B3GALNT2: variants seen among roughly 807,000 people sequenced by gnomAD.
The protein encoded by B3GALNT2 is UDP-GalNAc:beta-1,3-N-acetylgalactosaminyltransferase 2.
In B3GALNT2, 53 loss-of-function variants were observed where a neutral mutation model predicts 61.1. That is an observed-to-expected ratio of 0.87 (90% CI 0.70 to 1.09). B3GALNT2 has a LOEUF of 1.09. Among genes scored for constraint, B3GALNT2 ranks in the 50% least tolerant of loss-of-function variants. The pLI is 0.00. For synonymous variants in B3GALNT2, 223 were observed against 237.4 expected (o/e 0.94, Z 0.56); for missense variants, 544 against 623.0 (o/e 0.87, Z 1.35).
intron 8 of B3GALNT2, among the ~76,000 whole-genome samples, chr1:235,457,734 A>C (rs555995663): frequency 4.0e-4 from 61 of 152,208 alleles, no homozygotes; most frequent in African/African-American, 1.3e-3. Flanking sequence ...TATTCAGTAG[A>C]AGAGAATGCC....
intron 4 of B3GALNT2, among the ~76,000 whole-genome samples, chr1:235,480,473 T>C (rs1037113080): frequency 1.3e-5 from 2 of 151,762 alleles, no homozygotes; most frequent in Admixed American, 6.6e-5. Flanking sequence ...GCCAACACAT[T>C]ATAGTGTCAA....
chr1:235,458,723 T>A lies in B3GALNT2; in HGVS notation c.905A>T (p.Asn302Ile), dbSNP rs1268009866. Residue 302 changes from asparagine (N) to isoleucine (I), a missense_variant, in exon 8 of 12, where the codon AAT (asparagine) becomes ATT (isoleucine). Physicochemically the swap from Asn to Ile is moderately radical, Grantham distance 149. Coordinates refer to ENST00000366600, the MANE Select transcript of B3GALNT2 (RefSeq NM_152490.5). ...CAGTAAGGCATCTTCCTCATGGAGA[T>A]TCCTTATATGATCAATAAGTCTTTG... ...RPQRLIDHIRNLHEEDALLKE... is the reference protein window; with the variant it reads ...RPQRLIDHIRILHEEDALLKE... 6.2e-7 allele frequency: 1 copy of A among 1,613,130 alleles called. No homozygotes were observed. The highest frequency in any genetic ancestry group is 8.5e-7 in the Non-Finnish European group (1 of 1,179,638).
downstream of B3GALNT2, among the ~76,000 whole-genome samples, chr1:235,446,695 G>GT (rs11405266): frequency 0.091 from 12,656 of 138,878 alleles, 1,262 homozygotes; most frequent in East Asian, 0.51. Flanking sequence ...GAGTAGGCAG[G>GT]TTTTTTTTTT....
chr1:235,448,615 T>C lies in B3GALNT2; in HGVS notation c.*1591A>G. 1 of 1,492,982 alleles carries C rather than the reference T, an allele frequency of 6.7e-7. No individual in the cohort carries two copies. Among genetic ancestry groups the C allele is most frequent in the South Asian group, 1.1e-5 (1 of 88,586 alleles). 92.5% of individuals were successfully genotyped at this position (1,492,982 alleles called of 1,614,324 possible). On this transcript the variant is annotated 3_prime_UTR_variant, in exon 12 of 12. Transcript: ENST00000366600. ...GGGTGGGGGAAGAGTATGTGTAGCATGCTTTATCGGATCTGTCTTAATCAC... is the reference window on the plus strand; with the variant it reads ...GGGTGGGGGAAGAGTATGTGTAGCACGCTTTATCGGATCTGTCTTAATCAC...
intron 3 of B3GALNT2, among the ~76,000 whole-genome samples, chr1:235,487,142 C>T (rs1322991612): frequency 7.0e-6 from 1 of 142,312 alleles, no homozygotes; most frequent in African/African-American, 2.7e-5. Flanking sequence ...GTCTGGGTGA[C>T]AAGAGCGAAA....
chr1:235,495,537 TAA>T lies in B3GALNT2; in HGVS notation c.113-711_113-710del, dbSNP rs202001422. On this transcript the variant is annotated intron_variant, in intron 1 of 11. Transcript: ENST00000366600. ...AATGACGGGAAAGCAACACTTTTAG[TAA>T]AAAAAAAAAAAAATAATAATAAAGT... is the stretch of plus-strand genomic sequence containing the variant. Among the ~76,000 whole-genome samples, 1,436 of 147,128 alleles carry T rather than the reference TAA, an allele frequency of 9.8e-3. 7 individuals are homozygous for T. The highest frequency in any genetic ancestry group is 0.014 in the Middle Eastern group (4 of 286).
In B3GALNT2 at chr1:235,448,741, T is replaced by TTGTC; in HGVS notation, c.*1461_*1464dup. 1 of 1,613,634 alleles carries TTGTC rather than the reference T, an allele frequency of 6.2e-7. No homozygotes were observed. On this transcript the variant is annotated 3_prime_UTR_variant, in exon 12 of 12. Transcript: ENST00000366600. ...AGTTTTATTCTGTGGAAAATGGAGATTGTCTATTAGTGCGATGGTGACAAC... is the reference window on the plus strand; with the variant it reads ...AGTTTTATTCTGTGGAAAATGGAGATTGTCTGTCTATTAGTGCGATGGTGACAAC...
downstream of B3GALNT2, chr1:235,443,004 A>T (rs1170303470): frequency 4.8e-6 from 6 of 1,242,192 alleles, no homozygotes; most frequent in African/African-American, 1.5e-5. Flanking sequence ...CATGTCTCAA[A>T]GTGTGGACCT....
At chr1:235,442,093 C>T in the B3GALNT2 span, among the ~76,000 whole-genome samples, 206 of 151,904 alleles carry the variant, frequency 1.4e-3, no homozygotes, top group Non-Finnish European at 2.1e-3. Flanking sequence ...TTGCAACCTC[C>T]GCCTCCCAGG....
the B3GALNT2 span, among the ~76,000 whole-genome samples, chr1:235,440,136 A>C: frequency 1.6e-4 from 24 of 151,754 alleles, no homozygotes; most frequent in South Asian, 6.3e-4. Flanking sequence ...ACACCCGGCT[A>C]ATTTTTTGTA....
At chr1:235,453,774 C>T (rs1002122118) in intron 10 of B3GALNT2, among the ~76,000 whole-genome samples, 8 of 152,058 alleles carry the variant, frequency 5.3e-5, no homozygotes, top group African/African-American at 1.7e-4. Flanking sequence ...TAAATACTAG[C>T]TGAAAACATA....
intron 6 of B3GALNT2, among the ~76,000 whole-genome samples, chr1:235,467,297 C>T (rs185771617): frequency 2.8e-4 from 42 of 151,942 alleles, no homozygotes; most frequent in Non-Finnish European, 4.3e-4. Context: ...TGCAGTGAGC[C>T]AAGACTGTGC....
intron 3 of B3GALNT2, among the ~76,000 whole-genome samples, chr1:235,488,926 G>A (rs556784655): frequency 4.6e-5 from 7 of 152,082 alleles, no homozygotes; most frequent in Admixed American, 4.6e-4. Context: ...TTCGTGGCAT[G>A]TGCCTGTAGT....
At chr1:235,455,744 T>C in intron 8 of B3GALNT2, 60 bp from the exon 9 acceptor site, 1 of 1,512,634 alleles carries the variant, frequency 6.6e-7, no homozygotes. Context: ...ACCAATGCAG[T>C]GGCGTCACTA....
In B3GALNT2 at chr1:235,449,959, C is replaced by T. The variant is rs1215887969; in HGVS notation, c.*247G>A. On this transcript the variant is annotated 3_prime_UTR_variant, in exon 12 of 12. Transcript: ENST00000366600. ...AAATATTTTTTCTTTTATAAAATAACTTGGTATTTTTCTGATAATCTTCCA... is the reference window on the plus strand; with the variant it reads ...AAATATTTTTTCTTTTATAAAATAATTTGGTATTTTTCTGATAATCTTCCA... 3.0e-6 allele frequency: 1 copy of T among 331,916 alleles called. No individual in the cohort carries two copies. Among genetic ancestry groups the T allele is most frequent in the African/African-American group, 2.1e-5 (1 of 47,152 alleles). 20.6% of individuals were successfully genotyped at this position (331,916 alleles called of 1,614,324 possible). A position where few individuals can be genotyped will look rare whatever the true frequency, so the allele number is the denominator to read the frequency against.
At chr1:235,503,980 T>C (rs1288894572) in intron 1 of B3GALNT2, among the ~76,000 whole-genome samples, 161 bp downstream of exon 1, 1 of 152,176 alleles carries the variant, frequency 6.6e-6, no homozygotes, top group African/African-American at 2.4e-5. Context: ...GTTTGCCCGA[T>C]GTTAACGCTC....
rs1485205503 is a variant in B3GALNT2, at chr1:235,458,494, AGGAAACCCCTAGTAAG to A, written c.1025+93_1025+108del. 6.4e-6 allele frequency: 9 copies of A among 1,403,380 alleles called. No homozygotes were observed. In the African/African-American group the frequency reaches 1.0e-4, roughly 16 times the overall value. The allele number at this position is 1,403,380 out of a possible 1,614,324, so 86.9% of individuals were successfully genotyped here. On this transcript the variant is annotated intron_variant, in intron 8 of 11. Transcript: ENST00000366600. The stretch of plus-strand genomic sequence containing the variant: ...GCACTCAGGAGTTCAAGACCAGCCT[AGGAAACCCCTAGTAAG>A]GGGTTTCCTTACAGCCTAGTAAGAC...
At chr1:235,460,453 TTA>T (rs1491305012) in intron 7 of B3GALNT2, among the ~76,000 whole-genome samples, 12 of 130,068 alleles carry the variant, frequency 9.2e-5, no homozygotes, top group African/African-American at 3.0e-4. Context: ...CATGTTTTAT[TTA>T]AAAAAAAAAA....
intron 6 of B3GALNT2, among the ~76,000 whole-genome samples, chr1:235,470,463 G>A (rs1383599329): frequency 2.0e-5 from 3 of 151,074 alleles, no homozygotes; most frequent in Non-Finnish European, 4.4e-5. Context: ...GTAGTGGTGC[G>A]CACCTGTAGC....
Sources: allele counts gnomAD v4.1 joint callset (sites outside exome capture counted in the v4.1 genomes callset), GRCh38; gene constraint gnomAD v4.1.1; transcripts MANE v1.5; gene names NCBI Gene and HGNC (gene_info 2026-07-23, HGNC 2026-07-21).